The following SAMSN1 variants were observed in gnomAD, a reference collection of about 807,000 sequenced individuals.
SAMSN1 encodes the protein SAM domain, SH3 domain and nuclear localization signals 1.
SAMSN1 carries 31 observed loss-of-function variants against 42.0 expected under a neutral mutation model. The ratio of observed to expected loss-of-function variants is 0.74; its 90% CI spans 0.55 to 1.00. The LOEUF is 1.00. Ranked by LOEUF, SAMSN1 falls within the 50% of genes least tolerant of loss-of-function variation. The probability of loss-of-function intolerance (pLI) is 0.00; values close to 1 mark genes in which losing one functional copy is unlikely to be tolerated. For synonymous variants in SAMSN1, 178 were observed against 151.9 expected (o/e 1.17, Z -1.26); for missense variants, 464 against 439.4 (o/e 1.06, Z -0.50).
At chr21:14,526,520 C>T (rs1285978279) in intron 1 of SAMSN1, among the ~76,000 whole-genome samples, 1 of 152,044 alleles carries the variant, frequency 6.6e-6, no homozygotes, top group African/African-American at 2.4e-5. Flanking sequence ...TTATTAGTAC[C>T]TCTCCAGTTT....
At chr21:14,507,849 A>AT (rs1987484330) in intron 5 of SAMSN1, among the ~76,000 whole-genome samples, 1 of 152,088 alleles carries the variant, frequency 6.6e-6, no homozygotes, top group South Asian at 2.1e-4. Context: ...AAAAAAAAAA[A>AT]AAATAGGCAC....
intron 2 of SAMSN1, among the ~76,000 whole-genome samples, chr21:14,633,876 T>A (rs906538504): frequency 1.3e-5 from 2 of 152,162 alleles, no homozygotes; most frequent in Non-Finnish European, 2.9e-5. Flanking sequence ...AACCAACTGT[T>A]GGACACATAT....
intron 2 of SAMSN1, among the ~76,000 whole-genome samples, chr21:14,624,341 GT>G (rs1474843135): frequency 6.6e-6 from 1 of 152,088 alleles, no homozygotes; most frequent in Admixed American, 6.6e-5. Flanking sequence ...TGCAGGAGCT[GT>G]TTTTTTGAAA....
upstream of SAMSN1, among the ~76,000 whole-genome samples, chr21:14,548,026 T>C (rs1324093538): frequency 1.3e-5 from 2 of 152,190 alleles, no homozygotes; most frequent in African/African-American, 2.4e-5. Flanking sequence ...ATACATCTTT[T>C]AGACTTTCAG....
chr21:14,502,156 T>A (rs1011926254), intron 5 of SAMSN1, among the ~76,000 whole-genome samples: 2 of 152,216 alleles, frequency 1.3e-5, no homozygotes, highest in African/African-American at 2.4e-5. Context: ...TGTTCTTCCA[T>A]CTAAAAAACA....
Position 14,645,917 on chromosome 21 carries a change from G to T in SAMSN1, c.25-2784C>A, listed in dbSNP as rs115260209. Among the ~76,000 whole-genome samples the T allele has an allele frequency of 2.6e-3, 397 of 152,182 alleles. 1 individual carries two copies. The highest frequency in any genetic ancestry group is 7.8e-3 in the African/African-American group (324 of 41,530). ...TTAATAGCAGAATGTATAAGCAGAA[G>T]AAAGAATTAGTGAGCCTAAAGACAG... is the stretch of plus-strand genomic sequence containing the variant. On this transcript the variant is annotated intron_variant, in intron 1 of 15. Coordinates refer to the SAMSN1 transcript ENST00000647101.
rs1296532225 is a variant in SAMSN1 at position 14,650,684 on chromosome 21, C to CAG, written c.25-7553_25-7552dup. Among the ~76,000 whole-genome samples, 9 of 151,492 alleles carry CAG rather than the reference C, an allele frequency of 5.9e-5. No individual in the cohort carries two copies. The East Asian group carries it at 1.7e-3, about 29-fold the overall frequency. On this transcript the variant is annotated intron_variant, in intron 1 of 15. Transcript: ENST00000647101. ...GTAGAAGAAACAAAATAATAAAGGT[C>CAG]AGAGCCAAAATTAATGAAATTGAAG... is the stretch of plus-strand genomic sequence containing the variant.
chr21:14,573,332 T>G (rs1981360347), intron 2 of SAMSN1, among the ~76,000 whole-genome samples: 1 of 152,230 alleles, frequency 6.6e-6, no homozygotes, highest in Non-Finnish European at 1.5e-5. Context: ...TTTAAAGTAC[T>G]TCTTGTTAGA....
At chr21:14,551,396 A>G (rs1352520396) in intron 2 of SAMSN1, among the ~76,000 whole-genome samples, 2 of 152,126 alleles carry the variant, frequency 1.3e-5, no homozygotes, top group African/African-American at 4.8e-5. Flanking sequence ...AATTACATCT[A>G]TGCCTTACAA....
At chr21:14,544,022 G>T (rs1046280736) in intron 1 of SAMSN1, among the ~76,000 whole-genome samples, 3 of 152,118 alleles carry the variant, frequency 2.0e-5, no homozygotes, top group African/African-American at 4.8e-5. Context: ...CCTTTTATTT[G>T]TAGGGATTAT....
chr21:14,516,707 G>A (rs957387964), intron 3 of SAMSN1, among the ~76,000 whole-genome samples, 185 bp downstream of exon 3: 1 of 152,130 alleles, frequency 6.6e-6, no homozygotes, highest in Non-Finnish European at 1.5e-5. Context: ...TGATCTTTCT[G>A]AGTGTCAGTT....
chr21:14,641,496 G>A (rs1307783754), intron 2 of SAMSN1, among the ~76,000 whole-genome samples: 1 of 152,102 alleles, frequency 6.6e-6, no homozygotes, highest in Non-Finnish European at 1.5e-5. Context: ...TTGTATCCTG[G>A]TGCATCCTCT....
At chr21:14,568,635 A>G (rs1600935280) in intron 2 of SAMSN1, among the ~76,000 whole-genome samples, 1 of 152,162 alleles carries the variant, frequency 6.6e-6, no homozygotes, top group East Asian at 1.9e-4. Flanking sequence ...ACAGCTAAAG[A>G]AACCCCAGCT....
chr21:14,604,630 A>T (rs1465192152), intron 5 of SAMSN1, among the ~76,000 whole-genome samples: 1 of 152,202 alleles, frequency 6.6e-6, no homozygotes, highest in Non-Finnish European at 1.5e-5. Flanking sequence ...TCATTCCTTG[A>T]TGCTTCTTCC....
upstream of SAMSN1, among the ~76,000 whole-genome samples, chr21:14,584,973 T>C (rs1981872496): frequency 6.6e-6 from 1 of 152,218 alleles, no homozygotes; most frequent in African/African-American, 2.4e-5. Flanking sequence ...AACTTGTTGA[T>C]CTGTCTCTGC....
intron 5 of SAMSN1, 101 bp downstream of exon 5, chr21:14,510,209 A>G: frequency 9.0e-7 from 1 of 1,115,848 alleles, no homozygotes; most frequent in Non-Finnish European, 1.3e-6. Context: ...GTTGGGAAGA[A>G]CACACTCACA....
intron 5 of SAMSN1, among the ~76,000 whole-genome samples, chr21:14,505,655 A>G (rs1036937716): frequency 3.3e-5 from 5 of 152,208 alleles, no homozygotes; most frequent in Non-Finnish European, 7.4e-5. Context: ...ATAGTGGGGA[A>G]CTTCAGTACT....
intron 7 of SAMSN1, among the ~76,000 whole-genome samples, chr21:14,487,436 T>C (rs1405100870): frequency 6.6e-6 from 1 of 152,140 alleles, no homozygotes; most frequent in Non-Finnish European, 1.5e-5. Context: ...GTGTGTCCAA[T>C]TGCCATCAAC....
At chr21:14,538,264 ACT>A (rs1334762489) in intron 1 of SAMSN1, among the ~76,000 whole-genome samples, 2 of 152,134 alleles carry the variant, frequency 1.3e-5, no homozygotes, top group African/African-American at 2.4e-5. Flanking sequence ...ATTCCAGAAA[ACT>A]CTGTTTGAAA....
Sources: gnomAD v4.1 joint callset for allele counts (sites outside exome capture counted in the v4.1 genomes callset) on GRCh38, gnomAD v4.1.1 for gene constraint, MANE v1.5 for transcripts, NCBI Gene and HGNC (gene_info 2026-07-23, HGNC 2026-07-21) for gene names.